ZNF532: variants seen among roughly 807,000 people sequenced by gnomAD.
ZNF532 encodes the protein zinc finger protein 532.
Under a neutral mutation model 89.3 loss-of-function variants are expected in ZNF532, and 22 were observed. That is an observed-to-expected ratio of 0.25 (90% CI 0.18 to 0.35). The LOEUF (loss-of-function observed/expected upper bound fraction) is 0.35. Ranked by LOEUF, ZNF532 falls within the 10% of genes least tolerant of loss-of-function variation. The probability of loss-of-function intolerance (pLI) is 1.00; values close to 1 mark genes in which losing one functional copy is unlikely to be tolerated. For synonymous variants in ZNF532, 606 were observed against 649.6 expected (o/e 0.93, Z 1.02); for missense variants, 1,132 against 1,643.4 (o/e 0.69, Z 5.38).
chr18:58,968,506 C>G (rs1175963771), intron 7 of ZNF532, among the ~76,000 whole-genome samples: 1 of 152,194 alleles, frequency 6.6e-6, no homozygotes, highest in East Asian at 1.9e-4. Context: ...GATGGCAAAG[C>G]CTTGGCTTCT....
intron 9 of ZNF532, 113 bp downstream of exon 9, chr18:58,981,730 T>A: frequency 7.0e-7 from 1 of 1,423,186 alleles, no homozygotes; most frequent in Non-Finnish European, 9.6e-7. Context: ...AAATTCAGAC[T>A]GGCTGGGTGC....
chr18:58,904,865 G>A (rs1484885547), intron 2 of ZNF532, among the ~76,000 whole-genome samples: 1 of 146,224 alleles, frequency 6.8e-6, no homozygotes, highest in Non-Finnish European at 1.5e-5. Flanking sequence ...GGTTGAGACT[G>A]GGTCTCACTC....
intron 7 of ZNF532, among the ~76,000 whole-genome samples, chr18:58,958,108 CTAGT>C (rs996470626): frequency 2.7e-5 from 4 of 150,630 alleles, no homozygotes; most frequent in Non-Finnish European, 5.9e-5. Flanking sequence ...TCTGGCTCTG[CTAGT>C]TATTCAGTAG....
At chr18:58,940,957 C>CACACACACACACACACAT (rs1218319599) in intron 5 of ZNF532, among the ~76,000 whole-genome samples, 1 of 141,398 alleles carries the variant, frequency 7.1e-6, no homozygotes, top group African/African-American at 2.5e-5. Flanking sequence ...CACACACACA[C>CACACACACACACACACAT]ACTCTTTCTC....
In ZNF532 at chr18:58,920,557, T is replaced by C. The variant is rs1286484099; in HGVS notation, c.2270T>C (p.Leu757Ser). 6.2e-7 allele frequency: 1 copy of C among 1,613,226 alleles called. No homozygotes were observed. The highest frequency in any genetic ancestry group is 8.5e-7 in the Non-Finnish European group (1 of 1,179,362). ...SKLCRHSLKC[L>S]ECNEVFQDET... ...CTGTGTAGACATAGTCTAAAATGTT[T>C]GGAGTGTAATGAAGTCTTCCAGGAC... The change falls in exon 3 of 10, where the codon TTG (leucine) becomes TCG (serine). Residue 757 changes from leucine (L) to serine (S), a missense_variant. Transcript: ENST00000591808.
intron 2 of ZNF532, among the ~76,000 whole-genome samples, chr18:58,879,314 A>C (rs2057695577): frequency 6.6e-6 from 1 of 152,256 alleles, no homozygotes; most frequent in Non-Finnish European, 1.5e-5. Flanking sequence ...TAATTAAATG[A>C]GTAGAGTCAA....
chr18:58,982,290 G>A (rs1316166230), intron 9 of ZNF532, among the ~76,000 whole-genome samples: 2 of 152,022 alleles, frequency 1.3e-5, no homozygotes, highest in African/African-American at 4.8e-5. Context: ...GGGGACAAGA[G>A]CAGGACTTTT....
chr18:58,940,963 T>TTC (rs140521782), intron 5 of ZNF532, among the ~76,000 whole-genome samples: 2,699 of 105,250 alleles, frequency 0.026, 42 homozygotes, highest in African/African-American at 0.065. Context: ...CACACACTCT[T>TTC]TCTCTCTCTC....
chr18:58,865,216 A>G lies in ZNF532; in HGVS notation c.-297A>G, dbSNP rs1444855964. On this transcript the variant is annotated 5_prime_UTR_variant, in exon 1 of 10. Transcript: ENST00000591808. ...CTCTCTTTCTCGGTGTTTATAACAAAACAAAACCAAAATGAACTGAGGGGT... is the reference window on the plus strand; with the variant it reads ...CTCTCTTTCTCGGTGTTTATAACAAGACAAAACCAAAATGAACTGAGGGGT... The G allele has an allele frequency of 6.6e-6, 1 of 151,846 alleles. No individual in the cohort carries two copies. The highest frequency in any genetic ancestry group is 2.4e-5 in the African/African-American group (1 of 41,326). 9.4% of individuals were successfully genotyped at this position (151,846 alleles called of 1,614,324 possible). A position where few individuals can be genotyped will look rare whatever the true frequency, so the allele number is the denominator to read the frequency against.
At chr18:58,916,045 C>A (rs1323312392) in intron 2 of ZNF532, among the ~76,000 whole-genome samples, 2 of 152,230 alleles carry the variant, frequency 1.3e-5, no homozygotes, top group East Asian at 3.8e-4. Context: ...AGTTAAAAAT[C>A]TACTTTTCAG....
intron 3 of ZNF532, among the ~76,000 whole-genome samples, chr18:58,928,751 A>G (rs1166389373): frequency 6.6e-6 from 1 of 152,202 alleles, no homozygotes; most frequent in African/African-American, 2.4e-5. Context: ...TGCCCCAGTT[A>G]GGGGTTTGTA....
Position 58,920,629 on chromosome 18 carries a change from G to A in ZNF532, c.2342G>A (p.Gly781Glu). 1.9e-6 allele frequency: 3 copies of A among 1,572,584 alleles called. No individual in the cohort carries two copies. Among genetic ancestry groups the A allele is most frequent in the Non-Finnish European group, 1.7e-6 (2 of 1,156,822 alleles). The change falls in exon 3 of 10, where the codon GGA becomes GAA. Residue 781 changes from glycine to glutamate, a missense_variant. By Grantham distance (98) the Gly-to-Glu change is moderately conservative (BLOSUM62 -2). This residue lies in a region of ZNF532 where 100 missense variants were observed against 122.0 expected (regional missense o/e 0.82). Transcript: ENST00000591808. ...THFQQAADTS[G>E]QKTCTICQML... ...TTCCAGCAGGCTGCAGATACGAGTG[G>A]ACAAGTAGAGTATCATTTAAATTTT...
intron 2 of ZNF532, among the ~76,000 whole-genome samples, chr18:58,877,246 T>C (rs1033074712): frequency 6.6e-6 from 1 of 152,136 alleles, no homozygotes; most frequent in African/African-American, 2.4e-5. Flanking sequence ...TGTAGCAGTG[T>C]TGGAAAACGG....
In ZNF532 at chr18:58,984,844, T is replaced by G. The variant is rs981724465; in HGVS notation, c.*378T>G. On this transcript the variant is annotated 3_prime_UTR_variant, in exon 10 of 10. Coordinates refer to ENST00000591808, the MANE Select transcript of ZNF532 (RefSeq NM_001375912.1). ...AATAAACCATTTTGTATGTTTGGAT[T>G]TTGAATGGGTTAACTAATTACAGGC... is the stretch of plus-strand genomic sequence containing the variant. 6.0e-6 allele frequency: 1 copy of G among 166,844 alleles called. No homozygotes were observed. The highest frequency in any genetic ancestry group is 1.3e-5 in the Non-Finnish European group (1 of 75,912). 10.3% of individuals were successfully genotyped at this position (166,844 alleles called of 1,614,324 possible).
chr18:58,888,501 C>T (rs938380319), intron 2 of ZNF532, among the ~76,000 whole-genome samples: 4 of 150,288 alleles, frequency 2.7e-5, no homozygotes, highest in Non-Finnish European at 5.9e-5. Context: ...CATGGTGAAA[C>T]CCTGTCTCTA....
intron 4 of ZNF532, among the ~76,000 whole-genome samples, chr18:58,934,981 C>T (rs1444268065): frequency 6.6e-6 from 1 of 152,092 alleles, no homozygotes; most frequent in East Asian, 1.9e-4. Flanking sequence ...TAATATTTCC[C>T]CTTCTCTAAT....
At chr18:58,893,806 T>C (rs901630246) in intron 2 of ZNF532, among the ~76,000 whole-genome samples, 5 of 152,180 alleles carry the variant, frequency 3.3e-5, no homozygotes, top group African/African-American at 1.2e-4. Flanking sequence ...TTTAAAGGTT[T>C]GCCTTTTGCT....
intron 2 of ZNF532, among the ~76,000 whole-genome samples, chr18:58,873,595 C>A (rs1180226763): frequency 1.3e-5 from 2 of 152,052 alleles, no homozygotes; most frequent in East Asian, 3.9e-4. Flanking sequence ...ATTAAAGGCG[C>A]CTGCCACCAT....
At chr18:58,885,541 A>G (rs1331760766) in intron 2 of ZNF532, among the ~76,000 whole-genome samples, 1 of 152,142 alleles carries the variant, frequency 6.6e-6, no homozygotes, top group Non-Finnish European at 1.5e-5. Context: ...AATTTTGAAA[A>G]AATTCTTTTT....
Sources: allele counts gnomAD v4.1 joint callset (sites outside exome capture counted in the v4.1 genomes callset), GRCh38; gene constraint gnomAD v4.1.1; regional missense constraint gnomAD v4.1.1; transcripts MANE v1.5; gene names NCBI Gene and HGNC (gene_info 2026-07-23, HGNC 2026-07-21).